Variants in BCAP29 observed in about 807,000 individuals in gnomAD.
The protein encoded by BCAP29 is B cell receptor associated protein 29.
In BCAP29, 34 loss-of-function variants were observed where a neutral mutation model predicts 31.8. The ratio of observed to expected loss-of-function variants is 1.07; its 90% CI spans 0.81 to 1.42. BCAP29 has a LOEUF of 1.42. Ranked by LOEUF, BCAP29 falls within the 40% of genes most tolerant of loss-of-function variation. BCAP29 has a pLI of 0.00. For synonymous variants in BCAP29, 104 were observed against 91.3 expected, an observed-to-expected ratio of 1.14 and a Z score of -0.79; for missense variants, 314 against 269.2, an observed-to-expected ratio of 1.17 and a Z score of -1.16.
intron 2 of BCAP29, among the ~76,000 whole-genome samples, chr7:107,582,635 AGTT>A (rs1806911636): frequency 6.6e-6 from 1 of 152,156 alleles, no homozygotes; most frequent in Non-Finnish European, 1.5e-5. Flanking sequence ...CCCTTACGGT[AGTT>A]GTTGTAATTA....
chr7:107,595,826 G>T, intron 4 of BCAP29, 41 bp from the exon 5 acceptor site: 1 of 1,576,578 alleles, frequency 6.3e-7, no homozygotes, highest in Non-Finnish European at 8.6e-7. Flanking sequence ...TAAGTTTCTG[G>T]TGATTGGCCA....
chr7:107,613,444 A>G lies in BCAP29; in HGVS notation c.690+12A>G, dbSNP rs1363615121. 1.3e-6 allele frequency: 2 copies of G among 1,541,756 alleles called. No individual in the cohort carries two copies. Among genetic ancestry groups the G allele is most frequent in the African/African-American group, 1.4e-5 (1 of 73,110 alleles). ...ACTCTGAACTTCAGGTGGGTGTGAC[A>G]TGCACTTTATGCACCTAAATGTTTT... is the stretch of plus-strand genomic sequence containing the variant. On this transcript the variant is annotated intron_variant, in intron 7 of 7. Transcript: ENST00000005259.
intron 3 of BCAP29, among the ~76,000 whole-genome samples, chr7:107,589,219 G>T (rs1349046688): frequency 6.6e-6 from 1 of 152,176 alleles, no homozygotes; most frequent in Non-Finnish European, 1.5e-5. Context: ...TTTTCCATAT[G>T]CAGGAGCAGG....
chr7:107,592,537 A>T (rs952253345), intron 3 of BCAP29, among the ~76,000 whole-genome samples: 1 of 152,214 alleles, frequency 6.6e-6, no homozygotes, highest in Non-Finnish European at 1.5e-5. Context: ...GTTCCTCAAA[A>T]ATTAAACATA....
chr7:107,597,806 T>G (rs1810133605), intron 5 of BCAP29, among the ~76,000 whole-genome samples: 1 of 151,998 alleles, frequency 6.6e-6, no homozygotes, highest in Non-Finnish European at 1.5e-5. Context: ...TTCCACGTGG[T>G]ACCTATGACC....
intron 6 of BCAP29, among the ~76,000 whole-genome samples, chr7:107,602,839 A>G (rs1405901269): frequency 2.0e-5 from 3 of 152,128 alleles, no homozygotes; most frequent in Admixed American, 6.5e-5. Context: ...GCTTCCGTGC[A>G]GTAATATCAC....
intron 5 of BCAP29, among the ~76,000 whole-genome samples, chr7:107,597,304 G>A (rs969182223): frequency 1.3e-5 from 2 of 151,610 alleles, no homozygotes; most frequent in Non-Finnish European, 2.9e-5. Flanking sequence ...TCAAACTTTT[G>A]GCCTCAAGCA....
intron 6 of BCAP29, among the ~76,000 whole-genome samples, chr7:107,611,105 TG>T (rs1022999396): frequency 5.9e-5 from 9 of 152,228 alleles, no homozygotes; most frequent in Non-Finnish European, 1.2e-4. Flanking sequence ...GGCAGCTCTC[TG>T]GGGCCTCTTT....
At position 107,602,525 on chromosome 7, in the gene BCAP29, G is replaced by A. The variant is rs147830664; in HGVS notation, c.589+2020G>A. On this transcript the variant is annotated intron_variant, in intron 6 of 7. Coordinates refer to ENST00000005259, the MANE Select transcript of BCAP29 (RefSeq NM_018844.4). ...ACAAGGCTTAAGAAAGATTTAGAAA[G>A]AGATCTTACATTTGAAAATTGAGTT... 3.8e-3 allele frequency among the ~76,000 whole-genome samples: 579 copies of A among 152,044 alleles called. 5 individuals are homozygous for A. The highest frequency in any genetic ancestry group is 6.3e-3 in the Non-Finnish European group (426 of 67,952).
intron 4 of BCAP29, among the ~76,000 whole-genome samples, chr7:107,595,297 G>A (rs777903655): frequency 3.3e-5 from 5 of 152,180 alleles, no homozygotes; most frequent in Admixed American, 1.3e-4. Flanking sequence ...TCCACAACTA[G>A]GAGCTAAACC....
intron 5 of BCAP29, among the ~76,000 whole-genome samples, chr7:107,598,552 T>G (rs986097972): frequency 1.3e-5 from 2 of 152,188 alleles, no homozygotes; most frequent in Admixed American, 1.3e-4. Flanking sequence ...ATTGAAGTTA[T>G]TCAAAAGTAG....
In BCAP29 at chr7:107,609,660, G is replaced by A. The variant is rs184349120; in HGVS notation, c.590-3672G>A. ...ATAATATAATTAAACCACAGTTTATGTCCTTACTGAACAGAAGTTTGTATG... is the reference window on the plus strand; with the variant it reads ...ATAATATAATTAAACCACAGTTTATATCCTTACTGAACAGAAGTTTGTATG... On this transcript the variant is annotated intron_variant, in intron 6 of 7. Coordinates refer to ENST00000005259, the MANE Select transcript of BCAP29 (RefSeq NM_018844.4). Among the ~76,000 whole-genome samples the A allele has an allele frequency of 1.5e-4, 23 of 152,296 alleles. 1 individual carries two copies. In the East Asian group the frequency reaches 2.3e-3, roughly 15 times the overall value.
chr7:107,586,032 G>T (rs906468833), intron 3 of BCAP29, among the ~76,000 whole-genome samples: 1 of 152,030 alleles, frequency 6.6e-6, no homozygotes, highest in Non-Finnish European at 1.5e-5. Flanking sequence ...GACTAAAAAA[G>T]GAAAAATTTG....
At chr7:107,603,541 C>A (rs570840485) in intron 6 of BCAP29, 5 of 150,686 alleles carry the variant, frequency 3.3e-5, no homozygotes, top group African/African-American at 9.8e-5. Context: ...GGGGAAATTT[C>A]TTGACCATGC....
intron 3 of BCAP29, among the ~76,000 whole-genome samples, chr7:107,586,483 T>C (rs1446003321): frequency 6.6e-6 from 1 of 152,152 alleles, no homozygotes; most frequent in Non-Finnish European, 1.5e-5. Flanking sequence ...AGATAGGTGC[T>C]TATCCTCTAG....
In BCAP29 at chr7:107,594,051, T is replaced by A; in HGVS notation, c.290T>A (p.Leu97His). 1.9e-6 allele frequency: 3 copies of A among 1,613,730 alleles called. No homozygotes were observed. The highest frequency in any genetic ancestry group is 2.5e-6 in the Non-Finnish European group (3 of 1,179,658). ...GCCTATGAACACACACAGATGAAAC[T>A]TTTTAGGTCTCAAAGAAATCTTTAC... is the stretch of plus-strand genomic sequence containing the variant. ...PDAYEHTQMKLFRSQRNLYIS... is the reference protein window; with the variant it reads ...PDAYEHTQMKHFRSQRNLYIS... Residue 97 changes from leucine to histidine, a missense_variant, in exon 4 of 8, where the codon CTT (leucine) becomes CAT (histidine). By Grantham distance (99) the Leu-to-His change is moderately conservative. Transcript: ENST00000005259.
At position 107,600,412 on chromosome 7, in the gene BCAP29, G is replaced by A; in HGVS notation, c.496G>A (p.Gly166Ser). 6.2e-7 allele frequency: 1 copy of A among 1,603,398 alleles called. No homozygotes were observed. The change falls in exon 6 of 8, where the codon GGT becomes AGT. Residue 166 changes from glycine to serine, a missense_variant. Gly to Ser is a moderately conservative substitution (Grantham distance 56). Transcript: ENST00000005259. ...EKLKRILKSH[G>S]KDEECVLEAE... ...TTTGCAATAGATTTTGAAAAGCCAT[G>A]GTAAAGATGAAGAATGTGTTTTGGA...
intron 6 of BCAP29, among the ~76,000 whole-genome samples, chr7:107,609,952 A>G (rs1012586610): frequency 2.0e-5 from 3 of 152,224 alleles, no homozygotes; most frequent in African/African-American, 7.2e-5. Context: ...CAGTGCCTCT[A>G]AAAACTTCCA....
chr7:107,586,315 A>G (rs1242150488), intron 3 of BCAP29, among the ~76,000 whole-genome samples: 1 of 152,162 alleles, frequency 6.6e-6, no homozygotes, highest in East Asian at 1.9e-4. Context: ...CAAAGGAAAA[A>G]AAATTGGACC....
Sources: gnomAD v4.1 joint callset for allele counts (sites outside exome capture counted in the v4.1 genomes callset) on GRCh38, gnomAD v4.1.1 for gene constraint, MANE v1.5 for transcripts, NCBI Gene and HGNC (gene_info 2026-07-23, HGNC 2026-07-21) for gene names.